The following PDE2A variants were observed in gnomAD, a reference collection of about 807,000 sequenced individuals.
The protein encoded by PDE2A is phosphodiesterase 2A.
Under a neutral mutation model 133.6 loss-of-function variants are expected in PDE2A, and 53 were observed. The ratio of observed to expected loss-of-function variants is 0.40; its 90% confidence interval spans 0.32 to 0.50. PDE2A has a LOEUF of 0.50. Ranked by LOEUF, PDE2A falls within the 20% of genes least tolerant of loss-of-function variation. The probability of loss-of-function intolerance (pLI) is 0.73; values close to 1 mark genes in which losing one functional copy is unlikely to be tolerated. For synonymous variants in PDE2A, 491 were observed against 490.2 expected, an observed-to-expected ratio of 1.00 and a Z score of -0.02; for missense variants, 796 against 1,232.4, an observed-to-expected ratio of 0.65 and a Z score of 5.30.
chr11:72,635,941 C>T (rs1006200848), intron 2 of PDE2A: 23 of 1,169,364 alleles, frequency 2.0e-5, no homozygotes, highest in African/African-American at 3.1e-5. Context: ...CCGACCTTCC[C>T]GCTCCCCCTC....
intron 2 of PDE2A, among the ~76,000 whole-genome samples, chr11:72,641,234 C>T (rs1034210832): frequency 2.0e-5 from 3 of 152,224 alleles, no homozygotes; most frequent in Admixed American, 2.0e-4. Flanking sequence ...CACATCATCC[C>T]CCCACCACCT....
At chr11:72,656,564 T>C (rs910664656) in intron 1 of PDE2A, among the ~76,000 whole-genome samples, 4 of 151,954 alleles carry the variant, frequency 2.6e-5, no homozygotes, top group African/African-American at 9.7e-5. Flanking sequence ...GATGCTCACC[T>C]CCACCCCACT....
chr11:72,609,672 C>T (rs1416703102), intron 2 of PDE2A, among the ~76,000 whole-genome samples: 4 of 152,080 alleles, frequency 2.6e-5, no homozygotes, highest in African/African-American at 9.7e-5. Flanking sequence ...ACAAAGGAAA[C>T]GAGGGCCAAG....
chr11:72,616,567 G>A (rs1006962665), intron 2 of PDE2A, among the ~76,000 whole-genome samples: 4 of 152,244 alleles, frequency 2.6e-5, no homozygotes, highest in Non-Finnish European at 5.9e-5. Context: ...AGGGAGAAGA[G>A]GGGTGTGGAG....
At chr11:72,665,360 A>G (rs1436460113) in intron 1 of PDE2A, among the ~76,000 whole-genome samples, 1 of 151,834 alleles carries the variant, frequency 6.6e-6, no homozygotes, top group Non-Finnish European at 1.5e-5. Flanking sequence ...GGACTTGCCC[A>G]GTCCTCCCCA....
In PDE2A at chr11:72,610,746, A is replaced by G. The variant is rs1857173381; in HGVS notation, c.145-1995T>C. Among the ~76,000 whole-genome samples the G allele has an allele frequency of 2.6e-5, 4 of 152,172 alleles. No homozygotes were observed. In the South Asian group the frequency reaches 8.3e-4, roughly 32 times the overall value. On this transcript the variant is annotated intron_variant, in intron 2 of 30. Coordinates refer to ENST00000334456, the MANE Select transcript of PDE2A (RefSeq NM_002599.5). ...ACCCTTAGGCACTCCTCATCACAGC[A>G]CAGACAACTTCAGCACCACACAGCC... is the stretch of plus-strand genomic sequence containing the variant.
intron 1 of PDE2A, among the ~76,000 whole-genome samples, chr11:72,647,263 T>TTA (rs1444876006): frequency 6.6e-6 from 1 of 152,214 alleles, no homozygotes; most frequent in Non-Finnish European, 1.5e-5. Flanking sequence ...TGGACCATGG[T>TTA]TACACCCCCA....
chr11:72,610,665 T>C (rs1857169538), intron 2 of PDE2A, among the ~76,000 whole-genome samples: 1 of 152,106 alleles, frequency 6.6e-6, no homozygotes, highest in South Asian at 2.1e-4. Context: ...CCCTCAGACA[T>C]CAGAAGCTAC....
intron 2 of PDE2A, among the ~76,000 whole-genome samples, chr11:72,627,444 C>T (rs1478371097): frequency 2.0e-5 from 3 of 152,136 alleles, no homozygotes; most frequent in Admixed American, 1.3e-4. Context: ...TTCATCTGGG[C>T]CTTGAAAAGA....
intron 2 of PDE2A, among the ~76,000 whole-genome samples, chr11:72,633,575 C>T (rs1858527906): frequency 6.6e-6 from 1 of 152,170 alleles, no homozygotes. Context: ...GATGGTCTGA[C>T]CAGTTTTCAG....
chr11:72,588,790 CCTT>C lies in PDE2A; in HGVS notation c.1061_1063del (p.Glu354del), dbSNP rs1301128645. The stretch of plus-strand genomic sequence containing the variant: ...TCATCCCACAAAGACTCACAAGTCT[CCTT>C]CTAGCTTGTTGAAGGCGCAGGCCAA... On this transcript the variant is annotated inframe_deletion, in exon 13 of 31. Transcript: ENST00000334456. 6.2e-7 allele frequency: 1 copy of C among 1,600,502 alleles called. No individual in the cohort carries two copies. The highest frequency in any genetic ancestry group is 8.5e-7 in the Non-Finnish European group (1 of 1,170,612).
At chr11:72,614,117 G>T (rs1857347937) in intron 2 of PDE2A, among the ~76,000 whole-genome samples, 1 of 152,186 alleles carries the variant, frequency 6.6e-6, no homozygotes, top group East Asian at 1.9e-4. Context: ...AGCCTGCAGA[G>T]TCAGAGACAA....
intron 6 of PDE2A, among the ~76,000 whole-genome samples, chr11:72,595,733 A>G (rs1856451298): frequency 6.6e-6 from 1 of 152,084 alleles, no homozygotes; most frequent in Non-Finnish European, 1.5e-5. Context: ...CAGACCCCCA[A>G]TAATAGCAAT....
In PDE2A at chr11:72,640,411, GCA is replaced by G. The variant is rs370956547; in HGVS notation, c.144+1841_144+1842del. Reference sequence around the variant, plus strand: ...TTCCCATATGCACGTGTACATGCACGCACACACACACACTCACACACTCACAC... The same window carrying G: ...TTCCCATATGCACGTGTACATGCACGCACACACACACTCACACACTCACAC... On this transcript the variant is annotated intron_variant, in intron 2 of 30. Coordinates refer to ENST00000334456, the MANE Select transcript of PDE2A (RefSeq NM_002599.5). 1.3e-3 allele frequency among the ~76,000 whole-genome samples: 203 copies of G among 150,678 alleles called. 1 individual carries two copies. Among genetic ancestry groups the G allele is most frequent in the Middle Eastern group, 0.01 (3 of 286 alleles).
chr11:72,625,696 G>A (rs1858024794), intron 2 of PDE2A, among the ~76,000 whole-genome samples: 1 of 152,124 alleles, frequency 6.6e-6, no homozygotes. Flanking sequence ...TCTCCCATCT[G>A]CTCCCACCTC....
intron 1 of PDE2A, among the ~76,000 whole-genome samples, chr11:72,667,679 A>T (rs1196437033): frequency 1.3e-5 from 2 of 152,164 alleles, no homozygotes; most frequent in African/African-American, 4.8e-5. Context: ...TATAAAAGTC[A>T]TCACTCCTCA....
In PDE2A at chr11:72,589,776, A is replaced by T. The variant is rs769775554; in HGVS notation, c.848T>A (p.Val283Glu). Residue 283 changes from valine to glutamate, a missense_variant, in exon 11 of 31, where the codon GTG becomes GAG. Transcript: ENST00000334456. The part of the protein sequence containing the change: ...QLSCKVIGDK[V>E]LGEEVSFPLT... ...GGGAAAGCTGACCTCTTCCCCGAGC[A>T]CTTTGTCTCCGATGACCTGAGGAAC... The T allele has an allele frequency of 8.1e-6, 13 of 1,613,866 alleles. No homozygotes were observed. Among genetic ancestry groups the T allele is most frequent in the Non-Finnish European group, 1.1e-5 (13 of 1,179,928 alleles).
chr11:72,628,133 C>T (rs1347114849), intron 2 of PDE2A, among the ~76,000 whole-genome samples: 1 of 152,242 alleles, frequency 6.6e-6, no homozygotes, highest in Non-Finnish European at 1.5e-5. Context: ...AGCATCCTGT[C>T]TCACAGGGGT....
chr11:72,642,465 G>A, intron 1 of PDE2A, 139 bp from the exon 2 acceptor site: 3 of 930,360 alleles, frequency 3.2e-6, no homozygotes, highest in Non-Finnish European at 3.9e-6. Context: ...CCGAGTGTCC[G>A]CCCCGGCCCC....
Sources: gnomAD v4.1 joint callset for allele counts (sites outside exome capture counted in the v4.1 genomes callset) on GRCh38, gnomAD v4.1.1 for gene constraint, MANE v1.5 for transcripts, NCBI Gene and HGNC (gene_info 2026-07-23, HGNC 2026-07-21) for gene names.